Variants in DIAPH2 observed in about 807,000 individuals in gnomAD.
DIAPH2 encodes diaphanous related formin 2.
Under a neutral mutation model 92.7 loss-of-function variants are expected in DIAPH2, and 35 were observed. The ratio of observed to expected loss-of-function variants is 0.38; its 90% CI spans 0.29 to 0.50. The LOEUF (loss-of-function observed/expected upper bound fraction) is 0.50, where lower values mean the gene tolerates loss of function less well. DIAPH2 is among the 20% of genes least tolerant of loss of function. DIAPH2 has a pLI of 0.94. For synonymous variants in DIAPH2, 301 were observed against 280.4 expected (o/e 1.07, Z -0.73); for missense variants, 701 against 819.5 (o/e 0.86, Z 1.77).
At chrX:96,931,593 A>G (rs765427422) in intron 10 of DIAPH2, among the ~76,000 whole-genome samples, 2 of 110,303 alleles carry the variant, frequency 1.8e-5, no homozygotes, top group African/African-American at 6.6e-5. Context: ...AAGTGAGAAA[A>G]AAGCACTAAG....
At chrX:96,752,975 C>T (rs751358396) in intron 3 of DIAPH2, among the ~76,000 whole-genome samples, 51 of 111,498 alleles carry the variant, frequency 4.6e-4, no homozygotes, top group African/African-American at 1.5e-3. Flanking sequence ...TGCCTCCCTA[C>T]AAAATAATTC....
chrX:97,164,502 T>C (rs963351314), intron 22 of DIAPH2, among the ~76,000 whole-genome samples: 5 of 112,082 alleles, frequency 4.5e-5, no homozygotes. Context: ...AGAGTGTGAA[T>C]TGCCTTAGGT....
intron 4 of DIAPH2, among the ~76,000 whole-genome samples, chrX:96,844,850 C>T (rs2064960811): frequency 8.9e-6 from 1 of 111,895 alleles, no homozygotes; most frequent in African/African-American, 3.2e-5. Flanking sequence ...ACTGAACACC[C>T]CATTCATTAC....
At chrX:97,263,682 G>A (rs762866634) in intron 23 of DIAPH2, among the ~76,000 whole-genome samples, 5 of 109,038 alleles carry the variant, frequency 4.6e-5, no homozygotes, top group African/African-American at 1.7e-4. Flanking sequence ...CGCCTCCTGG[G>A]CTAAAGCGAT....
At chrX:97,123,144 A>G (rs953703679) in intron 21 of DIAPH2, among the ~76,000 whole-genome samples, 2 of 111,715 alleles carry the variant, frequency 1.8e-5, no homozygotes, top group African/African-American at 6.5e-5. Context: ...CTTAATTTTA[A>G]ATAGTTTCCT....
intron 3 of DIAPH2, among the ~76,000 whole-genome samples, chrX:96,751,458 C>G (rs958953574): frequency 3.9e-5 from 4 of 102,399 alleles, no homozygotes; most frequent in Non-Finnish European, 4.0e-5. Context: ...CGCCTGTAGT[C>G]TCAGCTACTC....
At chrX:97,595,768 G>A (rs1363801192) in intron 26 of DIAPH2, among the ~76,000 whole-genome samples, 1 of 111,118 alleles carries the variant, frequency 9.0e-6, no homozygotes, top group African/African-American at 3.3e-5. Context: ...GAGTAGCTGG[G>A]ATTACAGGCA....
intron 4 of DIAPH2, among the ~76,000 whole-genome samples, chrX:96,873,709 TAC>T (rs1268918036): frequency 9.1e-6 from 1 of 109,532 alleles, no homozygotes; most frequent in Non-Finnish European, 1.9e-5. Context: ...CATGTATATA[TAC>T]ACACACACAT....
intron 4 of DIAPH2, among the ~76,000 whole-genome samples, chrX:96,846,765 GTT>G (rs35260797): frequency 2.1e-5 from 2 of 94,555 alleles, no homozygotes; most frequent in African/African-American, 3.8e-5. Context: ...GTACAAAATA[GTT>G]TTTTTTTTTT....
chrX:96,708,396 C>T (rs1038801222), intron 1 of DIAPH2, among the ~76,000 whole-genome samples: 1 of 109,912 alleles, frequency 9.1e-6, no homozygotes, highest in African/African-American at 3.3e-5. Context: ...CGCCTGCCAC[C>T]GCGCCTGGCT....
intron 26 of DIAPH2, among the ~76,000 whole-genome samples, chrX:97,468,724 A>G (rs1303803253): frequency 1.8e-5 from 2 of 111,098 alleles, no homozygotes; most frequent in African/African-American, 3.3e-5. Flanking sequence ...TTGTGTGAAC[A>G]TTTAACACTA....
At chrX:97,494,443 T>C (rs1256726092) in intron 26 of DIAPH2, among the ~76,000 whole-genome samples, 2 of 112,357 alleles carry the variant, frequency 1.8e-5, no homozygotes, top group Non-Finnish European at 3.8e-5. Context: ...TTCCTTAAGA[T>C]GATTATTTTG....
intron 26 of DIAPH2, among the ~76,000 whole-genome samples, chrX:97,476,984 TACACACACACACACACACACAC>T (rs1190615516): frequency 3.5e-5 from 2 of 57,092 alleles, no homozygotes; most frequent in African/African-American, 1.7e-4. Context: ...TATATATATA[TACACACACACACACACACACAC>T]ACACACACAC....
intron 26 of DIAPH2, among the ~76,000 whole-genome samples, chrX:97,510,041 A>G (rs1277921497): frequency 1.8e-5 from 2 of 110,214 alleles, no homozygotes. Context: ...GGTTGGCTGG[A>G]TCAAATGGTA....
intron 22 of DIAPH2, among the ~76,000 whole-genome samples, chrX:97,186,810 A>G (rs192387229): frequency 5.4e-5 from 6 of 111,917 alleles, no homozygotes; most frequent in African/African-American, 1.6e-4. Context: ...ATAGAGACCT[A>G]TGGAAAGTGA....
chrX:96,880,448 A>G (rs1314484492), intron 4 of DIAPH2, among the ~76,000 whole-genome samples: 1 of 111,902 alleles, frequency 8.9e-6, no homozygotes, highest in Non-Finnish European at 1.9e-5. Context: ...AGGCATTCTC[A>G]ATAAAAACCC....
chrX:96,795,559 A>G (rs1013282883), intron 4 of DIAPH2, among the ~76,000 whole-genome samples: 1 of 112,092 alleles, frequency 8.9e-6, no homozygotes, highest in African/African-American at 3.2e-5. Context: ...GAAATCCCCA[A>G]TTATAATTAT....
At chrX:97,510,537 G>T (rs1363028542) in intron 26 of DIAPH2, among the ~76,000 whole-genome samples, 15 of 105,462 alleles carry the variant, frequency 1.4e-4, no homozygotes, top group Admixed American at 2.0e-4. Flanking sequence ...GTCAATTTTG[G>T]CTTTTGTTGC....
chrX:97,544,950 C>T (rs1049381946), intron 26 of DIAPH2, among the ~76,000 whole-genome samples: 6 of 110,807 alleles, frequency 5.4e-5, no homozygotes, highest in African/African-American at 1.3e-4. Context: ...ATGGTGTACC[C>T]GGCAGCTGTG....
Sources: allele counts gnomAD v4.1 joint callset (sites outside exome capture counted in the v4.1 genomes callset), GRCh38; gene constraint gnomAD v4.1.1; transcripts MANE v1.5; gene names NCBI Gene and HGNC (gene_info 2026-07-23, HGNC 2026-07-21).